The following PTPRT variants were observed in gnomAD, a reference collection of about 807,000 sequenced individuals.
PTPRT encodes the protein protein tyrosine phosphatase receptor type T.
Under a neutral mutation model 176.8 loss-of-function variants are expected in PTPRT, and 56 were observed. The ratio of observed to expected loss-of-function variants is 0.32; its 90% CI spans 0.26 to 0.40. The LOEUF is 0.40. PTPRT is among the 10% of genes least tolerant of loss of function. The pLI is 1.00. For synonymous variants in PTPRT, 783 were observed against 739.0 expected (o/e 1.06, Z -0.96); for missense variants, 1,540 against 1,908.2 (o/e 0.81, Z 3.60).
At chr20:42,195,014 G>A (rs909710429) in intron 16 of PTPRT, among the ~76,000 whole-genome samples, 16 of 152,242 alleles carry the variant, frequency 1.1e-4, no homozygotes, top group Admixed American at 3.3e-4. Flanking sequence ...TGTGGGGTGG[G>A]GGATGGGGGA....
At chr20:43,067,231 A>G (rs1282516998) in intron 1 of PTPRT, among the ~76,000 whole-genome samples, 1 of 152,202 alleles carries the variant, frequency 6.6e-6, no homozygotes, top group Non-Finnish European at 1.5e-5. Flanking sequence ...CAAAAATCAC[A>G]TTTTGTATAA....
intron 1 of PTPRT, among the ~76,000 whole-genome samples, chr20:43,085,172 A>G (rs1000028446): frequency 6.6e-6 from 1 of 152,160 alleles, no homozygotes; most frequent in African/African-American, 2.4e-5. Flanking sequence ...CCTTCCTCAA[A>G]GCAGCTAGGA....
chr20:42,188,660 A>T (rs1990874886), intron 16 of PTPRT, among the ~76,000 whole-genome samples: 1 of 152,172 alleles, frequency 6.6e-6, no homozygotes, highest in Non-Finnish European at 1.5e-5. Flanking sequence ...TTATTCTGCT[A>T]CCTAGCAACT....
intron 1 of PTPRT, among the ~76,000 whole-genome samples, chr20:43,012,785 A>C (rs1301404448): frequency 6.6e-6 from 1 of 152,058 alleles, no homozygotes; most frequent in Non-Finnish European, 1.5e-5. Context: ...TCCCCCACAG[A>C]CTAATCACCA....
rs2072579934 is a variant in PTPRT, at chr20:42,541,533, TA to T, written c.1154-68972del. The stretch of plus-strand genomic sequence containing the variant: ...TAGTAAATAGTAAATAAGTATTTAC[TA>T]GTAAATACTAATACTAGTAAATAAG... On this transcript the variant is annotated intron_variant, in intron 7 of 30. Transcript: ENST00000373187. Among the ~76,000 whole-genome samples, 3 of 894 alleles carry T rather than the reference TA, an allele frequency of 3.4e-3. No homozygotes were observed. The East Asian group carries it at 0.11, about 32-fold the overall frequency. 0.6% of individuals were successfully genotyped at this position (894 alleles called of 152,430 possible). A position where few individuals can be genotyped will look rare whatever the true frequency, so the allele number is the denominator to read the frequency against.
intron 1 of PTPRT, among the ~76,000 whole-genome samples, chr20:42,946,499 T>C (rs1980892396): frequency 6.6e-6 from 1 of 152,242 alleles, no homozygotes; most frequent in Non-Finnish European, 1.5e-5. Context: ...CAACAGATTG[T>C]GATCTGACCT....
chr20:42,885,291 C>G (rs2145868687), intron 2 of PTPRT, among the ~76,000 whole-genome samples: 1 of 146,962 alleles, frequency 6.8e-6, no homozygotes, highest in South Asian at 2.1e-4. Flanking sequence ...TTATAATAAT[C>G]TGACTGTAGA....
intron 7 of PTPRT, among the ~76,000 whole-genome samples, chr20:42,565,082 T>A: frequency 6.6e-6 from 1 of 151,918 alleles, no homozygotes; most frequent in Non-Finnish European, 1.5e-5. Flanking sequence ...GCGCCCCGGG[T>A]CCTTCGTGTT....
intron 13 of PTPRT, among the ~76,000 whole-genome samples, chr20:42,273,135 C>T (rs2056967915): frequency 6.6e-6 from 1 of 152,174 alleles, no homozygotes. Flanking sequence ...GTGTTTCTTA[C>T]AAGCCAGGTA....
intron 1 of PTPRT, among the ~76,000 whole-genome samples, chr20:43,089,951 C>T (rs2011755851): frequency 6.6e-6 from 1 of 152,210 alleles, no homozygotes; most frequent in East Asian, 1.9e-4. Context: ...GCATGAGGAG[C>T]AGCACAACTT....
chr20:42,268,154 C>T (rs992180520), intron 13 of PTPRT, among the ~76,000 whole-genome samples: 1 of 152,098 alleles, frequency 6.6e-6, no homozygotes, highest in African/African-American at 2.4e-5. Flanking sequence ...TTTACATCAG[C>T]CATTATTGCT....
At chr20:42,938,133 A>C (rs888040430) in intron 1 of PTPRT, among the ~76,000 whole-genome samples, 1 of 152,240 alleles carries the variant, frequency 6.6e-6, no homozygotes, top group Non-Finnish European at 1.5e-5. Context: ...CCCAAAGAAC[A>C]GACAGCTAAC....
intron 1 of PTPRT, among the ~76,000 whole-genome samples, chr20:43,001,740 T>C (rs979439748): frequency 6.6e-6 from 1 of 152,084 alleles, no homozygotes; most frequent in African/African-American, 2.4e-5. Context: ...ACAAGAGAAA[T>C]AGTATTAAGT....
intron 27 of PTPRT, among the ~76,000 whole-genome samples, chr20:42,088,929 C>T (rs1269605476): frequency 6.6e-6 from 1 of 152,116 alleles, no homozygotes; most frequent in African/African-American, 2.4e-5. Flanking sequence ...TCCATCAGTG[C>T]TCAACAAAAA....
At chr20:42,759,275 A>T (rs1428016762) in intron 5 of PTPRT, among the ~76,000 whole-genome samples, 1 of 152,242 alleles carries the variant, frequency 6.6e-6, no homozygotes, top group Admixed American at 6.5e-5. Context: ...TAAGCTAATA[A>T]CAGCTAAACA....
intron 12 of PTPRT, among the ~76,000 whole-genome samples, chr20:42,288,278 A>T (rs562623810): frequency 2.6e-5 from 4 of 152,052 alleles, no homozygotes; most frequent in Admixed American, 2.6e-4. Context: ...GTGAACATTA[A>T]TTTGCTTTCT....
intron 6 of PTPRT, among the ~76,000 whole-genome samples, chr20:42,744,346 A>T (rs779469156): frequency 3.3e-5 from 5 of 152,252 alleles, no homozygotes; most frequent in Non-Finnish European, 5.9e-5. Flanking sequence ...TACATCAAGA[A>T]AGAACATTTG....
chr20:42,955,674 T>C (rs1365529419), intron 1 of PTPRT, among the ~76,000 whole-genome samples: 1 of 152,144 alleles, frequency 6.6e-6, no homozygotes, highest in Non-Finnish European at 1.5e-5. Context: ...ACGCAAAGGC[T>C]GAGGCTCACG....
intron 7 of PTPRT, among the ~76,000 whole-genome samples, chr20:42,646,707 G>A (rs1166508063): frequency 6.6e-6 from 1 of 151,896 alleles, no homozygotes; most frequent in African/African-American, 2.4e-5. Flanking sequence ...GTTGGATGGT[G>A]CTGCACTATA....
Sources: gnomAD v4.1 joint callset for allele counts (sites outside exome capture counted in the v4.1 genomes callset) on GRCh38, gnomAD v4.1.1 for gene constraint, MANE v1.5 for transcripts, NCBI Gene and HGNC (gene_info 2026-07-23, HGNC 2026-07-21) for gene names.